The following EHHADH variants were observed in gnomAD, a reference collection of about 807,000 sequenced individuals.
The protein encoded by EHHADH is enoyl-CoA hydratase and 3-hydroxyacyl CoA dehydrogenase.
A neutral mutation model predicts 64.4 loss-of-function variants in EHHADH; 48 were observed. The ratio of observed to expected loss-of-function variants is 0.75; its 90% CI spans 0.59 to 0.95. The LOEUF (loss-of-function observed/expected upper bound fraction) is 0.95, where lower values mean the gene tolerates loss of function less well. Ranked by LOEUF, EHHADH falls within the 40% of genes least tolerant of loss-of-function variation. The pLI is 0.00. For missense variants in EHHADH, 854 were observed against 876.6 expected, an observed-to-expected ratio of 0.97 and a Z score of 0.33; for synonymous variants, 308 against 326.7, an observed-to-expected ratio of 0.94 and a Z score of 0.62.
At chr3:185,202,668 G>A (rs536073681) in intron 6 of EHHADH, among the ~76,000 whole-genome samples, 10 of 152,124 alleles carry the variant, frequency 6.6e-5, no homozygotes, top group Non-Finnish European at 4.4e-5. Context: ...TCACAGGAGC[G>A]CGAACCCTAT....
chr3:185,199,346 G>A (rs374592723), intron 6 of EHHADH, among the ~76,000 whole-genome samples: 2 of 152,324 alleles, frequency 1.3e-5, no homozygotes, highest in South Asian at 2.1e-4. Flanking sequence ...CTTGCATCCT[G>A]TTAGGGCCTG....
At chr3:185,206,796 C>T (rs1718405757) in intron 5 of EHHADH, among the ~76,000 whole-genome samples, 1 of 151,456 alleles carries the variant, frequency 6.6e-6, no homozygotes, top group African/African-American at 2.4e-5. Flanking sequence ...CCATTGCACT[C>T]CAGCCAGGGT....
chr3:185,195,376 A>G (rs77267996), intron 6 of EHHADH, among the ~76,000 whole-genome samples: 6,222 of 152,306 alleles, frequency 0.041, 200 homozygotes, highest in East Asian at 0.16. Context: ...GAGGATTTGG[A>G]GAAATTAGAA....
chr3:185,241,992 T>A lies in EHHADH; in HGVS notation c.178+6422A>T, dbSNP rs1296186301. ...TTTTGTATAAAGTGAGAGATGAGGATCCAATTTCATTCTCCTACATGTGGC... is the reference window on the plus strand; with the variant it reads ...TTTTGTATAAAGTGAGAGATGAGGAACCAATTTCATTCTCCTACATGTGGC... On this transcript the variant is annotated intron_variant, in intron 2 of 6. Coordinates refer to ENST00000231887, the MANE Select transcript of EHHADH (RefSeq NM_001966.4). Among the ~76,000 whole-genome samples, 3 of 152,186 alleles carry A rather than the reference T, an allele frequency of 2.0e-5. No individual in the cohort carries two copies. In the East Asian group the frequency reaches 5.8e-4, roughly 29 times the overall value.
At chr3:185,229,380 A>T in intron 4 of EHHADH, 52 bp downstream of exon 4, 1 of 1,188,194 alleles carries the variant, frequency 8.4e-7, no homozygotes, top group Non-Finnish European at 1.1e-6. Context: ...TCTAAATCCT[A>T]GTCCAATTCT....
intron 4 of EHHADH, 113 bp from the exon 5 acceptor site, chr3:185,218,353 T>C (rs1400021922): frequency 6.6e-6 from 4 of 604,260 alleles, no homozygotes; most frequent in Non-Finnish European, 1.1e-5. Context: ...AAATATCTAT[T>C]ATTGAATAAA....
intron 4 of EHHADH, among the ~76,000 whole-genome samples, chr3:185,228,275 T>TATATATATATATATATAA (rs1719052901): frequency 1.7e-5 from 1 of 58,158 alleles, no homozygotes; most frequent in African/African-American, 3.9e-5. Context: ...TATATATATA[T>TATATATATATATATATAA]ATATGGAGAG....
At chr3:185,201,506 C>G (rs774639865) in intron 6 of EHHADH, among the ~76,000 whole-genome samples, 3 of 152,122 alleles carry the variant, frequency 2.0e-5, no homozygotes, top group Non-Finnish European at 4.4e-5. Flanking sequence ...GCAGCAGATG[C>G]AGGTCCTCAG....
chr3:185,219,019 T>C (rs778104229), intron 4 of EHHADH, among the ~76,000 whole-genome samples: 1 of 151,302 alleles, frequency 6.6e-6, no homozygotes, highest in Non-Finnish European at 1.5e-5. Context: ...ATAGACTCCA[T>C]CTCCAAAAAC....
intron 5 of EHHADH, among the ~76,000 whole-genome samples, chr3:185,217,350 G>C (rs1285934925): frequency 6.6e-6 from 1 of 151,880 alleles, no homozygotes; most frequent in Admixed American, 6.6e-5. Flanking sequence ...TTCGAGATGA[G>C]CCTGGCAAAC....
intron 4 of EHHADH, 115 bp downstream of exon 4, chr3:185,229,317 T>C (rs1420254385): frequency 8.1e-6 from 4 of 495,630 alleles, no homozygotes; most frequent in Non-Finnish European, 1.3e-5. Flanking sequence ...GGCCAAGAAG[T>C]TCAAGAATCC....
chr3:185,220,899 T>C (rs1246108391), intron 4 of EHHADH, among the ~76,000 whole-genome samples: 1 of 152,220 alleles, frequency 6.6e-6, no homozygotes, highest in Non-Finnish European at 1.5e-5. Flanking sequence ...TATTCAAGTT[T>C]TCCTAAAATT....
At position 185,239,949 on chromosome 3, in the gene EHHADH, T is replaced by C. The variant is rs1200629220; in HGVS notation, c.179-4487A>G. ...TATAGCTTTTATTATTTTGAGGTAT[T>C]TTTTGATGTCTAGTTTGTTGAGGGG... On this transcript the variant is annotated intron_variant, in intron 2 of 6. Coordinates refer to ENST00000231887, the MANE Select transcript of EHHADH (RefSeq NM_001966.4). 2.6e-5 allele frequency among the ~76,000 whole-genome samples: 4 copies of C among 152,052 alleles called. No individual in the cohort carries two copies. The East Asian group carries it at 7.7e-4, about 29-fold the overall frequency.
intron 2 of EHHADH, among the ~76,000 whole-genome samples, chr3:185,237,042 G>A (rs1028669392): frequency 6.6e-6 from 1 of 152,096 alleles, no homozygotes; most frequent in Non-Finnish European, 1.5e-5. Flanking sequence ...TAGGCAATTT[G>A]ACTACAAACC....
intron 6 of EHHADH, among the ~76,000 whole-genome samples, chr3:185,196,299 A>G (rs986870282): frequency 3.3e-5 from 5 of 152,198 alleles, no homozygotes; most frequent in Admixed American, 3.3e-4. Context: ...TCATTTTCTC[A>G]CGTTAAAAAA....
chr3:185,221,475 T>C (rs1174421115), intron 4 of EHHADH, among the ~76,000 whole-genome samples: 1 of 152,184 alleles, frequency 6.6e-6, no homozygotes, highest in Non-Finnish European at 1.5e-5. Context: ...GTCATATTTC[T>C]GGTCTAACTC....
intron 2 of EHHADH, chr3:185,245,925 T>G (rs1719582877): frequency 2.2e-6 from 3 of 1,382,392 alleles, no homozygotes; most frequent in African/African-American, 1.4e-5. Flanking sequence ...TCCTCTTATG[T>G]GTAGTCTCCT....
intron 3 of EHHADH, among the ~76,000 whole-genome samples, chr3:185,233,834 C>T (rs1430268872): frequency 3.3e-5 from 5 of 152,128 alleles, no homozygotes; most frequent in African/African-American, 7.2e-5. Context: ...TTAGTAGAGA[C>T]GGGGTTTCAT....
intron 6 of EHHADH, among the ~76,000 whole-genome samples, chr3:185,198,240 A>G (rs1039613253): frequency 2.6e-5 from 4 of 151,372 alleles, no homozygotes; most frequent in Non-Finnish European, 5.9e-5. Flanking sequence ...ATTTTTTGAG[A>G]TGGAGTCTTG....
Sources: allele counts gnomAD v4.1 joint callset (sites outside exome capture counted in the v4.1 genomes callset), GRCh38; gene constraint gnomAD v4.1.1; transcripts MANE v1.5; gene names NCBI Gene and HGNC (gene_info 2026-07-23, HGNC 2026-07-21).